The following DOCK2 variants were observed in gnomAD, a reference collection of about 807,000 sequenced individuals.
DOCK2 encodes the protein dedicator of cytokinesis protein 2.
In DOCK2, 87 loss-of-function variants were observed where a neutral mutation model predicts 248.9. The observed-to-expected ratio is 0.35, with a 90% CI of 0.29 to 0.42. DOCK2 has a LOEUF of 0.42. DOCK2 is among the 10% of genes least tolerant of loss of function. DOCK2 has a pLI of 1.00. For synonymous variants in DOCK2, 805 were observed against 821.6 expected (o/e 0.98, Z 0.35); for missense variants, 1,747 against 2,300.2 (o/e 0.76, Z 4.92).
chr5:169,855,011 G>T (rs1045424092), intron 27 of DOCK2, among the ~76,000 whole-genome samples: 1 of 152,182 alleles, frequency 6.6e-6, no homozygotes, highest in Admixed American at 6.5e-5. Context: ...GTCTGGCATC[G>T]GAGTTAGGAG....
At chr5:169,753,435 C>T (rs927528914) in intron 23 of DOCK2, among the ~76,000 whole-genome samples, 17 of 148,974 alleles carry the variant, frequency 1.1e-4, no homozygotes, top group Non-Finnish European at 1.6e-4. Context: ...CACTTATGAG[C>T]GAGAACATTT....
intron 44 of DOCK2, 136 bp from the exon 45 acceptor site, chr5:170,067,374 C>G (rs1757528987): frequency 1.4e-5 from 12 of 832,758 alleles, no homozygotes; most frequent in Non-Finnish European, 2.2e-5. Flanking sequence ...TCAGTAATTA[C>G]AAGATCCTGT....
chr5:169,694,055 T>G (rs1367875220), intron 9 of DOCK2, among the ~76,000 whole-genome samples: 1 of 152,158 alleles, frequency 6.6e-6, no homozygotes, highest in Non-Finnish European at 1.5e-5. Context: ...CATACAAAAT[T>G]TAACCGTCAT....
intron 1 of DOCK2, among the ~76,000 whole-genome samples, chr5:169,645,850 C>G (rs1228496047): frequency 6.6e-6 from 1 of 152,144 alleles, no homozygotes; most frequent in Non-Finnish European, 1.5e-5. Context: ...TGGGTTCACG[C>G]CATTCTCCTG....
intron 22 of DOCK2, among the ~76,000 whole-genome samples, chr5:169,720,801 G>T (rs926311272): frequency 4.6e-5 from 7 of 152,190 alleles, no homozygotes; most frequent in Non-Finnish European, 2.9e-5. Context: ...CACAATCATG[G>T]CTCACTGCGA....
At chr5:170,000,856 C>G (rs542493320) in intron 30 of DOCK2, among the ~76,000 whole-genome samples, 19 of 152,302 alleles carry the variant, frequency 1.2e-4, no homozygotes, top group African/African-American at 4.3e-4. Context: ...TAGACTATTT[C>G]TAGCCATTAG....
At chr5:170,010,034 C>T (rs781004086) in intron 32 of DOCK2, among the ~76,000 whole-genome samples, 11 of 152,170 alleles carry the variant, frequency 7.2e-5, no homozygotes, top group Non-Finnish European at 1.6e-4. Context: ...AGCACCCTCA[C>T]AGGGGGCTTA....
chr5:169,882,168 C>T (rs530714478), intron 27 of DOCK2, among the ~76,000 whole-genome samples: 2 of 152,280 alleles, frequency 1.3e-5, no homozygotes, highest in African/African-American at 4.8e-5. Flanking sequence ...AACAGAAATA[C>T]TGTACAAATG....
At chr5:169,879,180 C>T (rs1772495865) in intron 27 of DOCK2, among the ~76,000 whole-genome samples, 2 of 152,194 alleles carry the variant, frequency 1.3e-5, no homozygotes, top group Admixed American at 1.3e-4. Flanking sequence ...ACCCAGTGGG[C>T]AATCCATCAT....
At chr5:169,687,957 C>T (rs935490944) in intron 8 of DOCK2, among the ~76,000 whole-genome samples, 1 of 152,026 alleles carries the variant, frequency 6.6e-6, no homozygotes, top group Admixed American at 6.6e-5. Context: ...ATGGAGTCTC[C>T]CTTTTCACCC....
chr5:169,665,457 CAT>C (rs1368265215), intron 2 of DOCK2, among the ~76,000 whole-genome samples: 7 of 151,190 alleles, frequency 4.6e-5, no homozygotes, highest in Admixed American at 1.3e-4. Flanking sequence ...TGTATATACA[CAT>C]GTTTATATGT....
rs867605503 is a variant in DOCK2, at chr5:170,008,232, A to C, written c.3073-265A>C. 7.9e-3 allele frequency among the ~76,000 whole-genome samples: 1,174 copies of C among 148,520 alleles called. 11 individuals are homozygous for C. The highest frequency in any genetic ancestry group is 0.012 in the East Asian group (59 of 4,932). On this transcript the variant is annotated intron_variant, in intron 30 of 51. Coordinates refer to ENST00000520908, the MANE Select transcript of DOCK2 (RefSeq NM_004946.3). ...CAACAACAACAACAACAACAAAAAA[A>C]AAAAAACCTAAAATTCTCCTCCTCT... is the stretch of plus-strand genomic sequence containing the variant.
At chr5:170,018,874 C>CTTTTTTTTTT in intron 32 of DOCK2, 86 bp from the exon 33 acceptor site, 2 of 1,510,102 alleles carry the variant, frequency 1.3e-6, no homozygotes, top group Non-Finnish European at 1.8e-6. Flanking sequence ...TTATGCTTCC[C>CTTTTTTTTTT]TTTTTTTCTT....
chr5:169,812,446 A>G (rs968467940), intron 26 of DOCK2, among the ~76,000 whole-genome samples: 2 of 152,220 alleles, frequency 1.3e-5, no homozygotes, highest in African/African-American at 4.8e-5. Flanking sequence ...TTACAAGGTA[A>G]TATAATAATA....
chr5:169,801,447 A>C (rs938779065), intron 25 of DOCK2, among the ~76,000 whole-genome samples: 1 of 152,180 alleles, frequency 6.6e-6, no homozygotes, highest in Admixed American at 6.5e-5. Flanking sequence ...TCCCTTAGTC[A>C]CTAGGAGAAT....
intron 28 of DOCK2, 67 bp from the exon 29 acceptor site, chr5:169,985,761 G>A (rs2113788126): frequency 7.4e-7 from 1 of 1,357,958 alleles, no homozygotes; most frequent in East Asian, 2.5e-5. Context: ...AAAAAAATTT[G>A]AAGAGCCAAC....
intron 27 of DOCK2, among the ~76,000 whole-genome samples, chr5:169,921,426 A>T (rs1208674190): frequency 6.6e-6 from 1 of 152,208 alleles, no homozygotes; most frequent in Non-Finnish European, 1.5e-5. Context: ...CTGCTGTGAT[A>T]TTCTTTTAAA....
At chr5:169,767,895 C>T (rs264833) in intron 25 of DOCK2, among the ~76,000 whole-genome samples, 43,748 of 152,016 alleles carry the variant, frequency 0.29, 8,394 homozygotes, top group African/African-American at 0.52. Flanking sequence ...TATTACACAA[C>T]GTATTAGGGT....
At chr5:169,927,766 G>A (rs1206008818) in intron 27 of DOCK2, among the ~76,000 whole-genome samples, 9 of 152,212 alleles carry the variant, frequency 5.9e-5, no homozygotes, top group South Asian at 4.1e-4. Flanking sequence ...ACAGGCGCCC[G>A]CCACCACGCC....
Sources: allele counts gnomAD v4.1 joint callset (sites outside exome capture counted in the v4.1 genomes callset), GRCh38; gene constraint gnomAD v4.1.1; transcripts MANE v1.5; gene names NCBI Gene and HGNC (gene_info 2026-07-23, HGNC 2026-07-21).